The following AGGF1 variants were observed in gnomAD, a reference collection of about 807,000 sequenced individuals.
AGGF1 encodes the protein angiogenic factor with G patch and FHA domains 1.
A neutral mutation model predicts 86.5 loss-of-function variants in AGGF1; 56 were observed. That is an observed-to-expected ratio of 0.65 (90% CI 0.52 to 0.81). The LOEUF is 0.81. AGGF1 is among the 30% of genes least tolerant of loss of function. The pLI is 0.00. For missense variants in AGGF1, 816 were observed against 850.9 expected (o/e 0.96, Z 0.51); for synonymous variants, 313 against 297.1 (o/e 1.05, Z -0.55).
intron 8 of AGGF1, among the ~76,000 whole-genome samples, chr5:77,051,886 CTA>C (rs1341004973): frequency 6.6e-6 from 1 of 152,168 alleles, no homozygotes; most frequent in Non-Finnish European, 1.5e-5. Flanking sequence ...AACGACAACT[CTA>C]TAACTGTGTA....
chr5:77,039,037 T>C (rs1041066401), intron 4 of AGGF1, among the ~76,000 whole-genome samples: 4 of 152,188 alleles, frequency 2.6e-5, no homozygotes, highest in Admixed American at 2.0e-4. Flanking sequence ...TTTTAAGTTA[T>C]GAACATCAAA....
intron 4 of AGGF1, among the ~76,000 whole-genome samples, chr5:77,038,625 A>G (rs1373910347): frequency 6.6e-6 from 1 of 152,162 alleles, no homozygotes; most frequent in African/African-American, 2.4e-5. Flanking sequence ...ATTTTTTGTA[A>G]GAGATCTGCA....
In AGGF1 at chr5:77,046,728, A is replaced by T. The variant is rs1050503139; in HGVS notation, c.1201+51A>T. On this transcript the variant is annotated intron_variant, in intron 6 of 13. Coordinates refer to ENST00000312916, the MANE Select transcript of AGGF1 (RefSeq NM_018046.5). ...AAATAGCCCAGTCTGGTAACTATAA[A>T]AGAGCAAAACCATTAAAAATGTTAG... 3.9e-6 allele frequency: 6 copies of T among 1,520,292 alleles called. No homozygotes were observed. The Admixed American group carries it at 6.7e-5, about 17-fold the overall frequency. 94.2% of individuals were successfully genotyped at this position (1,520,292 alleles called of 1,614,324 possible). A position where few individuals can be genotyped will look rare whatever the true frequency, so the allele number is the denominator to read the frequency against.
At chr5:77,055,483 C>T (rs74848595) in intron 10 of AGGF1, 31 bp from the exon 11 acceptor site, 9 of 1,454,802 alleles carry the variant, frequency 6.2e-6, no homozygotes, top group Admixed American at 1.7e-5. Flanking sequence ...GATTTAGTGG[C>T]TTTTTTTTAA....
intron 5 of AGGF1, among the ~76,000 whole-genome samples, chr5:77,040,286 A>G (rs1747049816): frequency 6.6e-6 from 1 of 151,578 alleles, no homozygotes. Flanking sequence ...TTTTTTTGTA[A>G]TCTTAGTAGA....
At chr5:77,053,619 T>G (rs1179860584) in intron 9 of AGGF1, among the ~76,000 whole-genome samples, 1 of 152,202 alleles carries the variant, frequency 6.6e-6, no homozygotes, top group African/African-American at 2.4e-5. Context: ...AAGGGAGATG[T>G]GATGCATTTA....
At chr5:77,061,640 T>G (rs1371383675) in intron 12 of AGGF1, 63 bp from the exon 13 acceptor site, 1 of 1,483,800 alleles carries the variant, frequency 6.7e-7, no homozygotes, top group Non-Finnish European at 9.4e-7. Flanking sequence ...ATTCATGAAT[T>G]TATTATAAAT....
chr5:77,051,933 A>C (rs1747378811), intron 8 of AGGF1, among the ~76,000 whole-genome samples: 1 of 152,254 alleles, frequency 6.6e-6, no homozygotes, highest in Non-Finnish European at 1.5e-5. Context: ...TTAATGTTAA[A>C]GAAGCAAAAT....
At chr5:77,050,644 C>G (rs1243590653) in intron 8 of AGGF1, among the ~76,000 whole-genome samples, 2 of 151,994 alleles carry the variant, frequency 1.3e-5, no homozygotes, top group Non-Finnish European at 2.9e-5. Flanking sequence ...AAGTATTTGA[C>G]CACTAGATAG....
At chr5:77,038,991 A>C (rs1747015138) in intron 4 of AGGF1, among the ~76,000 whole-genome samples, 1 of 152,120 alleles carries the variant, frequency 6.6e-6, no homozygotes. Context: ...ATTTTTTGGT[A>C]TGCATGAACT....
chr5:77,063,954 T>A lies in AGGF1; in HGVS notation c.*702T>A, dbSNP rs879880703. Reference sequence around the variant, plus strand: ...AAATAGTGTGCTGGCTTTTGTAGTTTTGATAAAGACCATTGCAGGCAATGG... The same window carrying A: ...AAATAGTGTGCTGGCTTTTGTAGTTATGATAAAGACCATTGCAGGCAATGG... On this transcript the variant is annotated 3_prime_UTR_variant, in exon 14 of 14. Coordinates refer to ENST00000312916, the MANE Select transcript of AGGF1 (RefSeq NM_018046.5). 5 of 152,646 alleles carry A rather than the reference T, an allele frequency of 3.3e-5. No homozygotes were observed. Among genetic ancestry groups the A allele is most frequent in the Admixed American group, 6.5e-5 (1 of 15,268 alleles). 9.5% of individuals were successfully genotyped at this position (152,646 alleles called of 1,614,324 possible).
In AGGF1 at chr5:77,034,418, G is replaced by A. The variant is rs1413459139; in HGVS notation, c.211G>A (p.Val71Met). Reference sequence around the variant, plus strand: ...TTCCTAAAGCCTTGTTTTCTCTCAGGTGGAAGAACTCAGTAAAATACTCCA... The same window carrying A: ...TTCCTAAAGCCTTGTTTTCTCTCAGATGGAAGAACTCAGTAAAATACTCCA... ...ESNNQELRTQ[V>M]EELSKILQRG... The change falls in exon 2 of 14, where the codon GTG becomes ATG. Residue 71 changes from valine (V) to methionine (M), a missense_variant and splice_region_variant. Coordinates refer to ENST00000312916, the MANE Select transcript of AGGF1 (RefSeq NM_018046.5). 3.1e-6 allele frequency: 5 copies of A among 1,600,118 alleles called. No homozygotes were observed. The Admixed American group carries it at 8.3e-5, about 27-fold the overall frequency.
intron 5 of AGGF1, among the ~76,000 whole-genome samples, chr5:77,044,934 G>A (rs917689379): frequency 1.1e-4 from 17 of 152,052 alleles, no homozygotes; most frequent in African/African-American, 4.1e-4. Context: ...ATGGTGGTGC[G>A]CATGCCTGTA....
At chr5:77,045,296 A>T (rs544041729) in intron 5 of AGGF1, among the ~76,000 whole-genome samples, 3 of 152,360 alleles carry the variant, frequency 2.0e-5, no homozygotes, top group Admixed American at 1.3e-4. Flanking sequence ...GTGTTGTATT[A>T]TTGCAAACTG....
intron 13 of AGGF1, 124 bp from the exon 14 acceptor site, chr5:77,062,928 G>A: frequency 2.2e-6 from 2 of 928,156 alleles, no homozygotes; most frequent in Non-Finnish European, 3.5e-6. Context: ...TGATGCATCT[G>A]ACAGGTTTTT....
chr5:77,056,782 A>G (rs1356881296), intron 11 of AGGF1, among the ~76,000 whole-genome samples: 1 of 152,226 alleles, frequency 6.6e-6, no homozygotes, highest in East Asian at 1.9e-4. Flanking sequence ...AAAATTAAAA[A>G]TTAATGTTTT....
At chr5:77,052,572 G>A in intron 8 of AGGF1, 134 bp from the exon 9 acceptor site, 2 of 621,790 alleles carry the variant, frequency 3.2e-6, no homozygotes, top group Non-Finnish European at 5.6e-6. Flanking sequence ...AATAGTTTGT[G>A]TTTCTAAAAA....
intron 11 of AGGF1, 149 bp from the exon 12 acceptor site, chr5:77,059,467 C>A: frequency 1.4e-6 from 1 of 733,852 alleles, no homozygotes; most frequent in Non-Finnish European, 2.2e-6. Flanking sequence ...TAGGCATGAG[C>A]CACCTGTAAT....
chr5:77,038,785 A>G (rs911214021), intron 4 of AGGF1, among the ~76,000 whole-genome samples: 3 of 152,168 alleles, frequency 2.0e-5, no homozygotes, highest in African/African-American at 7.2e-5. Flanking sequence ...AATAAAATAT[A>G]GACTGTTCAA....
Sources: gnomAD v4.1 joint callset for allele counts (sites outside exome capture counted in the v4.1 genomes callset) on GRCh38, gnomAD v4.1.1 for gene constraint, MANE v1.5 for transcripts, NCBI Gene and HGNC (gene_info 2026-07-23, HGNC 2026-07-21) for gene names.